The following CCNT2 variants were observed in gnomAD, a reference collection of about 807,000 sequenced individuals.
CCNT2 encodes the protein cyclin-T2.
CCNT2 carries 18 observed loss-of-function variants against 70.0 expected under a neutral mutation model. That is an observed-to-expected ratio of 0.26 (90% confidence interval 0.18 to 0.38). The LOEUF is 0.38. Ranked by LOEUF, CCNT2 falls within the 10% of genes least tolerant of loss-of-function variation. The pLI is 1.00. For missense variants in CCNT2, 734 were observed against 890.2 expected, an observed-to-expected ratio of 0.82 and a Z score of 2.23; for synonymous variants, 334 against 313.3, an observed-to-expected ratio of 1.07 and a Z score of -0.70.
At chr2:134,926,177 C>A (rs1319667407) in intron 2 of CCNT2, among the ~76,000 whole-genome samples, 1 of 152,122 alleles carries the variant, frequency 6.6e-6, no homozygotes, top group Non-Finnish European at 1.5e-5. Context: ...CTTTAAGCAC[C>A]ACTCTTCTAG....
At position 134,936,934 on chromosome 2, in the gene CCNT2, C is replaced by T. The variant is rs772325870; in HGVS notation, c.334C>T (p.His112Tyr). Residue 112 changes from histidine (H) to tyrosine (Y), a missense_variant, in exon 3 of 9, where the codon CAT becomes TAT. Around this residue, in one of 3 missense-constraint regions of CCNT2, gnomAD observed 161 missense variants for 303.8 expected, o/e 0.53. Transcript: ENST00000264157. ...HVIKVAHACL[H>Y]PLEPLLDTKC... ...TATCAAAGTAGCACATGCTTGTCTT[C>T]ATCCTCTAGAGCCACTGCTGGATAC... is the stretch of plus-strand genomic sequence containing the variant. The T allele has an allele frequency of 3.7e-6, 6 of 1,610,466 alleles. 1 individual carries two copies. The South Asian group carries it at 6.6e-5, about 18-fold the overall frequency.
intron 2 of CCNT2, among the ~76,000 whole-genome samples, chr2:134,923,372 A>G (rs538780501): frequency 6.6e-6 from 1 of 152,368 alleles, no homozygotes; most frequent in Non-Finnish European, 1.5e-5. Flanking sequence ...CATGTTTTAC[A>G]GAAGTCAAAT....
At chr2:134,929,808 G>C (rs531865188) in intron 2 of CCNT2, among the ~76,000 whole-genome samples, 2 of 151,380 alleles carry the variant, frequency 1.3e-5, no homozygotes, top group Non-Finnish European at 2.9e-5. Context: ...GCACCACCAT[G>C]CCTGGCTAAT....
rs754116930 is a variant in CCNT2, at chr2:134,918,823, T to C, written c.-32T>C. Reference sequence around the variant, plus strand: ...TCCGCGAGCCAGGAGGGGCGGGGGGTGAATGAAGGAGCGGGCGGAGGAGGA... The same window carrying C: ...TCCGCGAGCCAGGAGGGGCGGGGGGCGAATGAAGGAGCGGGCGGAGGAGGA... On this transcript the variant is annotated 5_prime_UTR_variant, in exon 1 of 9. Transcript: ENST00000264157. The C allele has an allele frequency of 3.2e-6, 5 of 1,544,484 alleles. No homozygotes were observed. Among genetic ancestry groups the C allele is most frequent in the East Asian group, 2.4e-5 (1 of 41,618 alleles).
rs147275367 is a variant in CCNT2 at position 134,952,686 on chromosome 2, G to A, written c.749G>A (p.Arg250Lys). Residue 250 changes from arginine (R) to lysine (K), a missense_variant, in exon 8 of 9, where the codon AGG (arginine) becomes AAG (lysine). By Grantham distance (26) the Arg-to-Lys change is conservative. Coordinates refer to ENST00000264157, the MANE Select transcript of CCNT2 (RefSeq NM_058241.3). ...FLQILEKTPN[R>K]LKKIRNWRAN... is the part of the protein sequence containing the mutation. ...CAAATATTGGAGAAAACGCCTAATAGGTTGAAGAAGATTCGAAACTGGAGG... is the reference window on the plus strand; with the variant it reads ...CAAATATTGGAGAAAACGCCTAATAAGTTGAAGAAGATTCGAAACTGGAGG... 2.5e-6 allele frequency: 4 copies of A among 1,606,874 alleles called. No homozygotes were observed. The highest frequency in any genetic ancestry group is 3.4e-6 in the Non-Finnish European group (4 of 1,176,188).
Position 134,954,486 on chromosome 2 carries a change from C to G in CCNT2, c.2031C>G (p.Gly677=). Residue 677 remains glycine, a synonymous_variant, in exon 9 of 9, where the codon GGC becomes GGG. Transcript: ENST00000264157. Reference sequence around the variant, plus strand: ...CTCCCCCTGTCACATACCAGGTGGGCTACGGACATCTCAGCACCCTCGTGA... The same window carrying G: ...CTCCCCCTGTCACATACCAGGTGGGGTACGGACATCTCAGCACCCTCGTGA... ...PPPPPVTYQV[G]YGHLSTLVKL... is the part of the protein sequence containing the mutation. 1.2e-6 allele frequency: 2 copies of G among 1,614,168 alleles called. No individual in the cohort carries two copies. Among genetic ancestry groups the G allele is most frequent in the Non-Finnish European group, 1.7e-6 (2 of 1,180,016 alleles).
At position 134,957,490 on chromosome 2, in the gene CCNT2, CTT is replaced by C. The variant is rs1239987640; in HGVS notation, c.*2844_*2845del. On this transcript the variant is annotated 3_prime_UTR_variant, in exon 9 of 9. Coordinates refer to ENST00000264157, the MANE Select transcript of CCNT2 (RefSeq NM_058241.3). ...CACAGAAGCACATTGCAAAGAAAGG[CTT>C]TATTTCTACCTCTTCCATTCAGTTT... is the stretch of plus-strand genomic sequence containing the variant. 6.6e-6 allele frequency: 1 copy of C among 152,162 alleles called. No homozygotes were observed. Among genetic ancestry groups the C allele is most frequent in the African/African-American group, 2.4e-5 (1 of 41,436 alleles). The allele number at this position is 152,162 out of a possible 1,614,324, so 9.4% of individuals were successfully genotyped here.
Position 134,936,984 on chromosome 2 carries a change from G to A in CCNT2, c.369+15G>A, listed in dbSNP as rs373811856. 3.9e-5 allele frequency: 62 copies of A among 1,573,896 alleles called. No individual in the cohort carries two copies. The Middle Eastern group carries it at 1.2e-3, about 30-fold the overall frequency. On this transcript the variant is annotated intron_variant, in intron 3 of 8. Transcript: ENST00000264157. ...CTAAATGTGATGTATGTAAATACTGGGTTTTTTATTTTTCTTTGTAAATTT... is the reference window on the plus strand; with the variant it reads ...CTAAATGTGATGTATGTAAATACTGAGTTTTTTATTTTTCTTTGTAAATTT...
intron 2 of CCNT2, among the ~76,000 whole-genome samples, chr2:134,920,987 C>G (rs1266186061): frequency 6.6e-6 from 1 of 152,152 alleles, no homozygotes; most frequent in African/African-American, 2.4e-5. Flanking sequence ...CTCTTGAAGA[C>G]TTCTTCTATT....
intron 5 of CCNT2, chr2:134,943,041 T>C: frequency 1.0e-6 from 1 of 985,328 alleles, no homozygotes; most frequent in Non-Finnish European, 1.2e-6. Flanking sequence ...ACTTTGACTT[T>C]TTGAAAAGTG....
chr2:134,946,201 A>C lies in CCNT2; in HGVS notation c.539+55A>C, dbSNP rs1681953772. The C allele has an allele frequency of 1.9e-6, 3 of 1,576,798 alleles. No homozygotes were observed. In the Admixed American group the frequency reaches 5.1e-5, roughly 27 times the overall value. On this transcript the variant is annotated intron_variant, in intron 6 of 8. Coordinates refer to ENST00000264157, the MANE Select transcript of CCNT2 (RefSeq NM_058241.3). ...GTTGTAGCACACTATAGCTTCCTTT[A>C]ATGCAGGGCCCCCTCAATGTGTCTC...
intron 2 of CCNT2, among the ~76,000 whole-genome samples, chr2:134,930,888 G>A (rs1198812758): frequency 6.6e-6 from 1 of 151,654 alleles, no homozygotes; most frequent in Non-Finnish European, 1.5e-5. Context: ...TCTTCCAAGA[G>A]TTTTATAGAT....
intron 1 of CCNT2, 32 bp downstream of exon 1, chr2:134,919,044 C>G (rs373827002): frequency 1.4e-5 from 22 of 1,569,000 alleles, no homozygotes; most frequent in Middle Eastern, 3.4e-4. Context: ...CGCTCACGCC[C>G]TGTTTCCCTT....
At chr2:134,945,964 C>T in intron 5 of CCNT2, 137 bp from the exon 6 acceptor site, 1 of 1,568,234 alleles carries the variant, frequency 6.4e-7, no homozygotes, top group Non-Finnish European at 8.6e-7. Context: ...TGATGGCGCT[C>T]TTGTGATATT....
At chr2:134,924,353 A>G (rs1214618202) in intron 2 of CCNT2, among the ~76,000 whole-genome samples, 1 of 152,224 alleles carries the variant, frequency 6.6e-6, no homozygotes, top group Admixed American at 6.5e-5. Flanking sequence ...CCTTGTAATC[A>G]CCAACCAAGT....
intron 2 of CCNT2, among the ~76,000 whole-genome samples, chr2:134,930,278 G>C (rs1680644315): frequency 6.6e-6 from 1 of 152,170 alleles, no homozygotes; most frequent in Non-Finnish European, 1.5e-5. Context: ...ATGTTTTCAA[G>C]GTCCGTTCAT....
chr2:134,941,167 TGTG>T (rs1325567467), intron 4 of CCNT2, among the ~76,000 whole-genome samples: 2 of 152,130 alleles, frequency 1.3e-5, no homozygotes, highest in South Asian at 2.1e-4. Flanking sequence ...AGACAGAAAT[TGTG>T]GTGTATTTCT....
chr2:134,937,276 C>T (rs1362749426), intron 3 of CCNT2, among the ~76,000 whole-genome samples: 1 of 152,188 alleles, frequency 6.6e-6, no homozygotes, highest in Non-Finnish European at 1.5e-5. Context: ...CCTATCACCT[C>T]CGCTGGAAGC....
intron 7 of CCNT2, among the ~76,000 whole-genome samples, chr2:134,949,053 C>G (rs1682231140): frequency 6.6e-6 from 1 of 151,978 alleles, no homozygotes; most frequent in Non-Finnish European, 1.5e-5. Context: ...CAGATACTCA[C>G]TCTGCCCCCC....
Sources: gnomAD v4.1 joint callset for allele counts (sites outside exome capture counted in the v4.1 genomes callset) on GRCh38, gnomAD v4.1.1 for gene constraint, gnomAD v4.1.1 regional missense constraint, MANE v1.5 for transcripts, NCBI Gene and HGNC (gene_info 2026-07-23, HGNC 2026-07-21) for gene names.